CATSPERE: variants seen among roughly 807,000 people sequenced by gnomAD.
The protein encoded by CATSPERE is cation channel sperm-associated auxiliary subunit epsilon.
In CATSPERE, 93 loss-of-function variants were observed where a neutral mutation model predicts 114.1. The observed-to-expected ratio is 0.81, with a 90% CI of 0.69 to 0.97. The LOEUF (loss-of-function observed/expected upper bound fraction) is 0.97. Ranked by LOEUF, CATSPERE falls within the 50% of genes least tolerant of loss-of-function variation. The pLI is 0.00. For missense variants in CATSPERE, 1,058 were observed against 1,131.6 expected, an observed-to-expected ratio of 0.93 and a Z score of 0.93; for synonymous variants, 341 against 384.1, an observed-to-expected ratio of 0.89 and a Z score of 1.31.
At chr1:244,490,318 T>C in intron 5 of CATSPERE, 129 bp from the exon 6 acceptor site, 1 of 566,478 alleles carries the variant, frequency 1.8e-6, no homozygotes, top group South Asian at 2.8e-5. Context: ...TAGCCTTTAA[T>C]TTTATATACC....
upstream of CATSPERE, among the ~76,000 whole-genome samples, chr1:244,452,560 A>G (rs1345162574): frequency 2.0e-5 from 3 of 152,234 alleles, no homozygotes; most frequent in Non-Finnish European, 4.4e-5. Flanking sequence ...ATAAAGTCCT[A>G]ATCCTCATTT....
upstream of CATSPERE, among the ~76,000 whole-genome samples, chr1:244,456,292 T>G (rs1273308297): frequency 6.6e-6 from 1 of 151,986 alleles, no homozygotes; most frequent in Non-Finnish European, 1.5e-5. Context: ...TTCAGCTGCT[T>G]GTTTGGCCCT....
intron 5 of CATSPERE, among the ~76,000 whole-genome samples, chr1:244,483,222 C>T (rs1332503525): frequency 6.6e-6 from 1 of 152,154 alleles, no homozygotes; most frequent in Non-Finnish European, 1.5e-5. Flanking sequence ...GGCCTCATTC[C>T]AGACCTATGG....
intron 6 of CATSPERE, among the ~76,000 whole-genome samples, chr1:244,496,711 T>A (rs1216914170): frequency 6.6e-6 from 1 of 152,162 alleles, no homozygotes; most frequent in East Asian, 1.9e-4. Flanking sequence ...AAAATATACT[T>A]TTTCAGAACT....
intron 7 of CATSPERE, among the ~76,000 whole-genome samples, chr1:244,510,329 A>G (rs778061271): frequency 3.3e-5 from 5 of 152,130 alleles, no homozygotes; most frequent in Admixed American, 6.6e-5. Context: ...TCCTGACCCA[A>G]TGGTCATTTA....
intron 11 of CATSPERE, among the ~76,000 whole-genome samples, chr1:244,576,626 T>C (rs2148592080): frequency 6.6e-6 from 1 of 152,108 alleles, no homozygotes; most frequent in Non-Finnish European, 1.5e-5. Flanking sequence ...AAATATACTG[T>C]GTATATTATT....
intron 5 of CATSPERE, among the ~76,000 whole-genome samples, chr1:244,486,786 G>A (rs1402197039): frequency 8.3e-5 from 8 of 96,184 alleles, no homozygotes; most frequent in South Asian, 4.1e-4. Flanking sequence ...AGCATGTGGA[G>A]TACTCGTGGG....
chr1:244,475,223 T>C (rs1291038547), intron 2 of CATSPERE, among the ~76,000 whole-genome samples: 1 of 151,122 alleles, frequency 6.6e-6, no homozygotes, highest in Non-Finnish European at 1.5e-5. Flanking sequence ...TTATTCACTT[T>C]CAAATTATCT....
chr1:244,618,839 G>A (rs952529067), intron 20 of CATSPERE, among the ~76,000 whole-genome samples: 9 of 152,212 alleles, frequency 5.9e-5, no homozygotes, highest in Middle Eastern at 6.8e-3. Context: ...GAAGAGTGAC[G>A]TTAACAAGGA....
At chr1:244,464,591 G>A (rs545416412) in intron 2 of CATSPERE, among the ~76,000 whole-genome samples, 73 of 152,204 alleles carry the variant, frequency 4.8e-4, no homozygotes, top group African/African-American at 1.5e-3. Context: ...ACAAAGTTCC[G>A]CAAGATTGTT....
At chr1:244,477,647 G>A in intron 3 of CATSPERE, 33 bp downstream of exon 3, 1 of 1,327,508 alleles carries the variant, frequency 7.5e-7, no homozygotes, top group Non-Finnish European at 1.1e-6. Flanking sequence ...CAATGTATGT[G>A]TATATTTTTT....
At chr1:244,627,862 A>AT (rs1000406133) in intron 20 of CATSPERE, among the ~76,000 whole-genome samples, 1 of 152,214 alleles carries the variant, frequency 6.6e-6, no homozygotes, top group African/African-American at 2.4e-5. Context: ...CAATTCATAG[A>AT]TTTTAAATTG....
At chr1:244,586,705 G>A (rs1007542509) in intron 13 of CATSPERE, among the ~76,000 whole-genome samples, 1 of 152,186 alleles carries the variant, frequency 6.6e-6, no homozygotes, top group Non-Finnish European at 1.5e-5. Context: ...ATACGGTAGG[G>A]AGTATTAGAG....
At chr1:244,480,273 C>G (rs949472330) in intron 5 of CATSPERE, among the ~76,000 whole-genome samples, 1 of 152,134 alleles carries the variant, frequency 6.6e-6, no homozygotes, top group African/African-American at 2.4e-5. Context: ...TGGTACATAA[C>G]TACATAATTA....
At chr1:244,528,384 A>T (rs540310232) in intron 8 of CATSPERE, among the ~76,000 whole-genome samples, 7 of 152,392 alleles carry the variant, frequency 4.6e-5, no homozygotes, top group Middle Eastern at 3.4e-3. Flanking sequence ...ATGGAATGAT[A>T]AAAGCAAATC....
chr1:244,479,104 T>TC lies in CATSPERE; in HGVS notation c.259-609dup, dbSNP rs375850916. 2.5e-3 allele frequency among the ~76,000 whole-genome samples: 382 copies of TC among 151,544 alleles called. 1 individual carries two copies. Among genetic ancestry groups the TC allele is most frequent in the African/African-American group, 8.8e-3 (366 of 41,368 alleles). The stretch of plus-strand genomic sequence containing the variant: ...CTTTCCTTTTGTTTTTTGTTTTTTT[T>TC]CCCCTTGAGATGGAGTTTCACTCTT... On this transcript the variant is annotated intron_variant, in intron 4 of 21. Coordinates refer to ENST00000366534, the MANE Select transcript of CATSPERE (RefSeq NM_001130957.2).
chr1:244,511,068 C>A (rs1675675776), intron 7 of CATSPERE, among the ~76,000 whole-genome samples: 1 of 152,140 alleles, frequency 6.6e-6, no homozygotes, highest in Non-Finnish European at 1.5e-5. Context: ...GCCTCGAACT[C>A]CTGACCTCAG....
At chr1:244,522,577 T>C (rs1022136598) in intron 8 of CATSPERE, among the ~76,000 whole-genome samples, 3 of 152,058 alleles carry the variant, frequency 2.0e-5, no homozygotes, top group Non-Finnish European at 4.4e-5. Flanking sequence ...ACAAAATTGA[T>C]AGACCACTAG....
At chr1:244,621,313 A>AG (rs1329667347) in intron 20 of CATSPERE, among the ~76,000 whole-genome samples, 4 of 78,904 alleles carry the variant, frequency 5.1e-5, no homozygotes, top group African/African-American at 1.7e-4. Flanking sequence ...ATAAATATAT[A>AG]AAATATATAT....
Sources: allele counts gnomAD v4.1 joint callset (sites outside exome capture counted in the v4.1 genomes callset), GRCh38; gene constraint gnomAD v4.1.1; transcripts MANE v1.5; gene names NCBI Gene and HGNC (gene_info 2026-07-23, HGNC 2026-07-21).